The following SORBS2 variants were observed in gnomAD, a reference collection of about 807,000 sequenced individuals.
SORBS2 encodes the protein sorbin and SH3 domain containing 2.
A neutral mutation model predicts 97.7 loss-of-function variants in SORBS2; 46 were observed. The observed-to-expected ratio is 0.47, with a 90% confidence interval of 0.37 to 0.60. The LOEUF is 0.60. Ranked by LOEUF, SORBS2 falls within the 20% of genes least tolerant of loss-of-function variation. The pLI is 0.00. For missense variants in SORBS2, 1,316 were observed against 1,282.3 expected, an observed-to-expected ratio of 1.03 and a Z score of -0.40; for synonymous variants, 476 against 473.4, an observed-to-expected ratio of 1.01 and a Z score of -0.07.
chr4:185,801,683 T>A (rs2099131583), intron 1 of SORBS2, among the ~76,000 whole-genome samples: 1 of 150,326 alleles, frequency 6.7e-6, no homozygotes, highest in Non-Finnish European at 1.5e-5. Flanking sequence ...TCTCTCTCTC[T>A]CTCTCTCTGT....
intron 4 of SORBS2, among the ~76,000 whole-genome samples, chr4:185,668,602 A>G (rs1561806346): frequency 6.6e-6 from 1 of 152,236 alleles, no homozygotes; most frequent in Non-Finnish European, 1.5e-5. Flanking sequence ...AAGAAAGACC[A>G]TGTTACACGT....
intron 1 of SORBS2, among the ~76,000 whole-genome samples, chr4:185,841,959 G>A (rs1017903530): frequency 2.6e-5 from 4 of 152,320 alleles, no homozygotes; most frequent in African/African-American, 9.6e-5. Context: ...CATTCATTCA[G>A]CATTCATGAT....
At chr4:185,882,057 A>G (rs573617217) in intron 1 of SORBS2, among the ~76,000 whole-genome samples, 2 of 152,178 alleles carry the variant, frequency 1.3e-5, no homozygotes, top group Non-Finnish European at 2.9e-5. Flanking sequence ...CTTTAATAGC[A>G]CTTTTCCCTT....
At chr4:185,640,140 G>C (rs983520369) in intron 4 of SORBS2, among the ~76,000 whole-genome samples, 1 of 152,156 alleles carries the variant, frequency 6.6e-6, no homozygotes, top group African/African-American at 2.4e-5. Context: ...AAAGTTTGAG[G>C]CATCGTGACA....
At chr4:185,939,227 T>C (rs992555306) in intron 1 of SORBS2, among the ~76,000 whole-genome samples, 16 of 152,336 alleles carry the variant, frequency 1.1e-4, no homozygotes, top group African/African-American at 3.8e-4. Flanking sequence ...GAACTGTCCA[T>C]CCTTCTCTCA....
At chr4:185,663,727 T>C (rs1229555067) in intron 4 of SORBS2, among the ~76,000 whole-genome samples, 1 of 152,194 alleles carries the variant, frequency 6.6e-6, no homozygotes, top group Non-Finnish European at 1.5e-5. Flanking sequence ...GAATCCTTCT[T>C]ATTAAAAACC....
chr4:185,680,360 A>G (rs1307495089), intron 2 of SORBS2, among the ~76,000 whole-genome samples: 2 of 152,136 alleles, frequency 1.3e-5, no homozygotes, highest in Non-Finnish European at 2.9e-5. Context: ...TTAATCAGCT[A>G]TATGATGAAG....
intron 14 of SORBS2, 115 bp from the exon 27 acceptor site, chr4:185,587,803 G>T: frequency 1.3e-6 from 1 of 784,126 alleles, no homozygotes; most frequent in Non-Finnish European, 2.2e-6. Context: ...CGAGGGGTTT[G>T]GAAAAGAAGG....
intron 2 of SORBS2, among the ~76,000 whole-genome samples, chr4:185,706,188 C>G (rs994857319): frequency 3.3e-5 from 5 of 152,134 alleles, no homozygotes; most frequent in African/African-American, 9.7e-5. Context: ...ACATTTTAAA[C>G]AAAAGCATTT....
At chr4:185,661,276 G>GAA (rs3080187), upstream of SORBS2, among the ~76,000 whole-genome samples, 105 of 141,292 alleles carry the variant, frequency 7.4e-4, no homozygotes, top group Non-Finnish European at 1.2e-3. Flanking sequence ...ACTCCATCTT[G>GAA]AAAAAAAAAA....
At chr4:185,850,635 T>C (rs1421703017) in intron 1 of SORBS2, among the ~76,000 whole-genome samples, 1 of 152,146 alleles carries the variant, frequency 6.6e-6, no homozygotes, top group African/African-American at 2.4e-5. Flanking sequence ...ACCACTGAAG[T>C]GTGTATATCA....
chr4:185,662,638 G>T (rs1039778955), intron 4 of SORBS2, among the ~76,000 whole-genome samples: 1 of 152,230 alleles, frequency 6.6e-6, no homozygotes, highest in Non-Finnish European at 1.5e-5. Flanking sequence ...CAGCATTGAC[G>T]TGGATGTCCT....
intron 1 of SORBS2, among the ~76,000 whole-genome samples, chr4:185,808,966 A>C (rs998956416): frequency 1.3e-5 from 2 of 152,186 alleles, no homozygotes; most frequent in African/African-American, 4.8e-5. Flanking sequence ...TAAAACATAC[A>C]TTGTAAAATT....
In SORBS2 at chr4:185,950,271, G is replaced by C. The variant is rs571515499; in HGVS notation, c.-338+5925C>G. Among the ~76,000 whole-genome samples the C allele has an allele frequency of 7.9e-5, 12 of 151,650 alleles. No individual in the cohort carries two copies. The South Asian group carries it at 2.5e-3, about 32-fold the overall frequency. Reference sequence around the variant, plus strand: ...CTCAAAAAAAAAAAAAGAATACTTTGAGAATGAATTTGTAAAGTAACATTG... The same window carrying C: ...CTCAAAAAAAAAAAAAGAATACTTTCAGAATGAATTTGTAAAGTAACATTG... On this transcript the variant is annotated intron_variant, in intron 1 of 20. Transcript: ENST00000284776.
chr4:185,627,127 T>G, intron 5 of SORBS2, 108 bp from the exon 18 acceptor site: 2 of 866,184 alleles, frequency 2.3e-6, no homozygotes, highest in Non-Finnish European at 3.7e-6. Flanking sequence ...CCTAAACCTC[T>G]ATCCCCAAAA....
intron 2 of SORBS2, among the ~76,000 whole-genome samples, chr4:185,705,850 C>T (rs1240747784): frequency 6.6e-6 from 1 of 152,094 alleles, no homozygotes; most frequent in East Asian, 1.9e-4. Flanking sequence ...CTATTGAGGG[C>T]CTTTCTTCTG....
chr4:185,694,382 A>T (rs2098140608), intron 2 of SORBS2, among the ~76,000 whole-genome samples: 1 of 152,218 alleles, frequency 6.6e-6, no homozygotes, highest in Admixed American at 6.5e-5. Context: ...TAACATGGAG[A>T]CTACCTTGAG....
chr4:185,622,177 C>A (rs2153421525), intron 7 of SORBS2, among the ~76,000 whole-genome samples: 1 of 152,288 alleles, frequency 6.6e-6, no homozygotes, highest in Admixed American at 6.5e-5. Context: ...TCAAAGTTAT[C>A]TATGAAAATA....
In SORBS2 at chr4:185,701,636, A is replaced by G. The variant is rs1364344373; in HGVS notation, c.-197-22814T>C. Among the ~76,000 whole-genome samples, 3 of 152,240 alleles carry G rather than the reference A, an allele frequency of 2.0e-5. No individual in the cohort carries two copies. The South Asian group carries it at 6.2e-4, about 32-fold the overall frequency. On this transcript the variant is annotated intron_variant, in intron 2 of 20. Coordinates refer to the SORBS2 transcript ENST00000284776. ...GTGATCGCTTTTCTATAGTACATAG[A>G]AAATGTTAACATGAACTATTATTAT...
Sources: allele counts gnomAD v4.1 joint callset (sites outside exome capture counted in the v4.1 genomes callset), GRCh38; gene constraint gnomAD v4.1.1; transcripts MANE v1.5; gene names NCBI Gene and HGNC (gene_info 2026-07-23, HGNC 2026-07-21).